CUX1: variants seen among roughly 807,000 people sequenced by gnomAD.
CUX1 encodes the protein protein CASP.
A neutral mutation model predicts 158.8 loss-of-function variants in CUX1; 31 were observed. The observed-to-expected ratio is 0.20, with a 90% CI of 0.15 to 0.26. CUX1 has a LOEUF of 0.26. Ranked by LOEUF, CUX1 falls within the 10% of genes least tolerant of loss-of-function variation. The probability of loss-of-function intolerance (pLI) is 1.00; values close to 1 mark genes in which losing one functional copy is unlikely to be tolerated. For synonymous variants in CUX1, 879 were observed against 862.1 expected, an observed-to-expected ratio of 1.02 and a Z score of -0.34; for missense variants, 1,589 against 2,014.6, an observed-to-expected ratio of 0.79 and a Z score of 4.04.
In CUX1 at chr7:102,247,589, C is replaced by T. The variant is rs551813988; in HGVS notation, c.3888-823C>T. 2.6e-5 allele frequency among the ~76,000 whole-genome samples: 4 copies of T among 152,250 alleles called. No homozygotes were observed. The East Asian group carries it at 7.7e-4, about 29-fold the overall frequency. ...CTGTAATCCCAGCACTTGGGGAGGC[C>T]CAGGCAGGAAGATTGCTTGAGCCCA... On this transcript the variant is annotated intron_variant, in intron 23 of 23. Coordinates refer to ENST00000292535, the MANE Select transcript of CUX1 (RefSeq NM_181552.4).
At chr7:101,919,937 G>T (rs1804702212) in intron 2 of CUX1, among the ~76,000 whole-genome samples, 1 of 152,028 alleles carries the variant, frequency 6.6e-6, no homozygotes, top group Non-Finnish European at 1.5e-5. Flanking sequence ...GCCTTGAAGG[G>T]TTTTTCTGGG....
At chr7:102,277,755 T>C (rs968653863) in intron 17 of CUX1, among the ~76,000 whole-genome samples, 1 of 152,104 alleles carries the variant, frequency 6.6e-6, no homozygotes, top group Non-Finnish European at 1.5e-5. Flanking sequence ...ACGTGATACA[T>C]ATGAAGAAAC....
chr7:101,974,640 C>T (rs908266221), intron 2 of CUX1, among the ~76,000 whole-genome samples: 2 of 152,250 alleles, frequency 1.3e-5, no homozygotes, highest in Middle Eastern at 3.4e-3. Context: ...GAGTATCATT[C>T]ACTCCAAAAG....
At chr7:101,979,350 C>T (rs1040636539) in intron 2 of CUX1, among the ~76,000 whole-genome samples, 53 of 152,266 alleles carry the variant, frequency 3.5e-4, no homozygotes, top group African/African-American at 1.1e-3. Flanking sequence ...AATTCGGTCA[C>T]GCTTAAAATG....
chr7:102,033,029 G>A lies in CUX1; in HGVS notation c.189+4884G>A, dbSNP rs143607813. Among the ~76,000 whole-genome samples the A allele has an allele frequency of 8.8e-4, 134 of 152,312 alleles. 1 individual carries two copies. The highest frequency in any genetic ancestry group is 2.9e-3 in the African/African-American group (121 of 41,578). ...GGAAGGTTGAGGGGATGAGGGGCTGGCTCAGAGAACCTCTTGGTAGTGGGG... is the reference window on the plus strand; with the variant it reads ...GGAAGGTTGAGGGGATGAGGGGCTGACTCAGAGAACCTCTTGGTAGTGGGG... On this transcript the variant is annotated intron_variant, in intron 3 of 23. Transcript: ENST00000292535.
In CUX1 at chr7:102,201,855, G is replaced by A. The variant is rs377162565; in HGVS notation, c.2558G>A (p.Gly853Asp). ...GAAACGGGCGGCGGGAAAGAGAAGG[G>A]CAGCGGTGGCAGCGGAGGTGGCAGC... ...AEETGGGKEK[G>D]SGGSGGGSQP... is the part of the protein sequence containing the mutation. The change falls in exon 18 of 24, where the codon GGC becomes GAC. Residue 853 changes from glycine (G) to aspartate (D), a missense_variant. Gly to Asp is a moderately conservative substitution (Grantham distance 94). Coordinates refer to ENST00000292535, the MANE Select transcript of CUX1 (RefSeq NM_181552.4). The surrounding 1 kb of genome is among the most constrained non-coding windows in gnomAD (Gnocchi z 5.0). 3 of 1,613,162 alleles carry A rather than the reference G, an allele frequency of 1.9e-6. No individual in the cohort carries two copies. The highest frequency in any genetic ancestry group is 1.3e-5 in the African/African-American group (1 of 74,934).
chr7:102,230,435 C>T (rs1270069853), intron 21 of CUX1, among the ~76,000 whole-genome samples: 9 of 148,478 alleles, frequency 6.1e-5, no homozygotes, highest in Non-Finnish European at 7.4e-5. Flanking sequence ...CAGTGAGCCA[C>T]GGTGGCATCA....
intron 3 of CUX1, among the ~76,000 whole-genome samples, chr7:102,038,240 T>G (rs993018558): frequency 6.6e-6 from 1 of 152,220 alleles, no homozygotes; most frequent in African/African-American, 2.4e-5. Flanking sequence ...TGAAGCATAC[T>G]GTCTAGGGCT....
chr7:102,239,759 C>G (rs1799988617), intron 23 of CUX1, among the ~76,000 whole-genome samples, 175 bp downstream of exon 23: 1 of 150,686 alleles, frequency 6.6e-6, no homozygotes, highest in Admixed American at 6.6e-5. Context: ...CTTTTCTTTT[C>G]TTTTGAGATG....
intron 2 of CUX1, among the ~76,000 whole-genome samples, chr7:101,963,402 GT>G (rs141374006): frequency 0.01 from 1,532 of 152,272 alleles, 23 homozygotes; most frequent in African/African-American, 0.035. Flanking sequence ...TGAGGCAGGC[GT>G]GGCTCCCGTC....
intron 3 of CUX1, among the ~76,000 whole-genome samples, chr7:102,037,733 C>CT (rs1170334099): frequency 1.3e-5 from 2 of 151,718 alleles, no homozygotes; most frequent in African/African-American, 4.8e-5. Context: ...TAAATAGGAG[C>CT]TTTTTTCATG....
At chr7:101,908,537 G>GACCTCAGGTGATCCACCC (rs1297773157) in intron 1 of CUX1, among the ~76,000 whole-genome samples, 2 of 152,210 alleles carry the variant, frequency 1.3e-5, no homozygotes, top group African/African-American at 4.8e-5. Context: ...TTGAACTCCT[G>GACCTCAGGTGATCCACCC]ACCTCAGGTG....
chr7:102,177,456 G>T (rs1338942601), intron 10 of CUX1, among the ~76,000 whole-genome samples: 1 of 151,026 alleles, frequency 6.6e-6, no homozygotes, highest in Non-Finnish European at 1.5e-5. Flanking sequence ...TGCTGATACA[G>T]AGTTTTCAAT....
intron 3 of CUX1, among the ~76,000 whole-genome samples, chr7:102,066,997 A>G (rs1373077646): frequency 1.3e-5 from 2 of 152,214 alleles, no homozygotes; most frequent in East Asian, 3.8e-4. Flanking sequence ...TTCACATACC[A>G]TATAATTCAC....
chr7:101,903,576 G>T (rs1006880121), intron 1 of CUX1, among the ~76,000 whole-genome samples: 1 of 152,168 alleles, frequency 6.6e-6, no homozygotes, highest in Non-Finnish European at 1.5e-5. Flanking sequence ...ATGTCATGTG[G>T]TTTGAGTAAT....
intron 1 of CUX1, among the ~76,000 whole-genome samples, chr7:101,826,154 C>G (rs193247179): frequency 2.0e-5 from 3 of 152,194 alleles, no homozygotes; most frequent in Admixed American, 1.3e-4. Context: ...CTCCTCCTCC[C>G]TCTGTACATC....
In CUX1 at chr7:101,916,805, G is replaced by T. The variant is rs573409596; in HGVS notation, c.141+580G>T. On this transcript the variant is annotated intron_variant, in intron 2 of 23. Transcript: ENST00000292535. The surrounding 1 kb of genome is among the most constrained non-coding windows in gnomAD (Gnocchi z 4.4). Reference sequence around the variant, plus strand: ...TTTATATACTCCTGTTTTTTCTCTCGTGAGTGTGCAATCGGGGGACAGTGT... The same window carrying T: ...TTTATATACTCCTGTTTTTTCTCTCTTGAGTGTGCAATCGGGGGACAGTGT... Among the ~76,000 whole-genome samples the T allele has an allele frequency of 6.6e-6, 1 of 151,872 alleles. No individual in the cohort carries two copies. Among genetic ancestry groups the T allele is most frequent in the Non-Finnish European group, 1.5e-5 (1 of 67,968 alleles).
chr7:101,839,280 G>A (rs191135958), intron 1 of CUX1, among the ~76,000 whole-genome samples: 23 of 152,108 alleles, frequency 1.5e-4, no homozygotes, highest in Non-Finnish European at 3.2e-4. Context: ...GGTCACCCTC[G>A]GTGGTATCTG....
chr7:102,170,823 C>T (rs1208097364), intron 10 of CUX1, among the ~76,000 whole-genome samples: 3 of 152,170 alleles, frequency 2.0e-5, no homozygotes, highest in Non-Finnish European at 4.4e-5. Flanking sequence ...GTCACAGACA[C>T]AGTCACGATG....
Sources: gnomAD v4.1 joint callset for allele counts (sites outside exome capture counted in the v4.1 genomes callset) on GRCh38, gnomAD v4.1.1 for gene constraint, Gnocchi (gnomAD v3.1) non-coding constraint, MANE v1.5 for transcripts, NCBI Gene and HGNC (gene_info 2026-07-23, HGNC 2026-07-21) for gene names.